Variants in FXYD6 observed in about 807,000 individuals in gnomAD.
FXYD6 encodes FXYD domain containing ion transport regulator 6.
Under a neutral mutation model 16.7 loss-of-function variants are expected in FXYD6, and 7 were observed. The ratio of observed to expected loss-of-function variants is 0.42; its 90% CI spans 0.24 to 0.79. The LOEUF (loss-of-function observed/expected upper bound fraction) is 0.79, where lower values mean the gene tolerates loss of function less well. FXYD6 is among the 30% of genes least tolerant of loss of function. The probability of loss-of-function intolerance (pLI) is 0.28; values close to 1 mark genes in which losing one functional copy is unlikely to be tolerated. For synonymous variants in FXYD6, 49 were observed against 43.0 expected (o/e 1.14, Z -0.54); for missense variants, 111 against 116.2 (o/e 0.95, Z 0.21).
chr11:117,861,024 T>C (rs1488782676), intron 1 of FXYD6, among the ~76,000 whole-genome samples: 1 of 152,226 alleles, frequency 6.6e-6, no homozygotes, highest in Non-Finnish European at 1.5e-5. Flanking sequence ...CCCTCCTCTC[T>C]GCCACTCAGT....
At chr11:117,858,611 C>T (rs1423386488) in intron 1 of FXYD6, among the ~76,000 whole-genome samples, 2 of 151,700 alleles carry the variant, frequency 1.3e-5, no homozygotes, top group South Asian at 2.1e-4. Flanking sequence ...AACGGAGAGT[C>T]GATTCTGCTT....
chr11:117,858,732 CCTTCCT>C (rs2056826824), intron 1 of FXYD6, among the ~76,000 whole-genome samples: 1 of 62,222 alleles, frequency 1.6e-5, no homozygotes, highest in Non-Finnish European at 3.2e-5. Context: ...TCCCTTCCTT[CCTTCCT>C]TCCTTCCTTC....
intron 1 of FXYD6, among the ~76,000 whole-genome samples, chr11:117,849,710 A>T (rs774205107): frequency 7.9e-5 from 12 of 151,298 alleles, no homozygotes; most frequent in Non-Finnish European, 1.5e-4. Context: ...ATTATATTTT[A>T]TTTTTTTTCC....
chr11:117,839,962 C>T (rs1023418226), intron 6 of FXYD6, 132 bp from the exon 7 acceptor site: 145 of 1,189,278 alleles, frequency 1.2e-4, no homozygotes, highest in Non-Finnish European at 1.6e-4. Context: ...CGAGTCAGAA[C>T]GATCTGGGTT....
At chr11:117,849,097 T>C (rs955810765) in intron 1 of FXYD6, among the ~76,000 whole-genome samples, 1 of 152,222 alleles carries the variant, frequency 6.6e-6, no homozygotes, top group African/African-American at 2.4e-5. Context: ...GACTGCAATG[T>C]TCCCTCTAAG....
chr11:117,840,477 A>C, intron 5 of FXYD6, 109 bp from the exon 6 acceptor site: 5 of 1,463,958 alleles, frequency 3.4e-6, no homozygotes, highest in Non-Finnish European at 4.7e-6. Flanking sequence ...GGCTCCTCCC[A>C]GTGCCCTGAG....
At chr11:117,864,463 C>T (rs546262147) in intron 1 of FXYD6, among the ~76,000 whole-genome samples, 9 of 152,214 alleles carry the variant, frequency 5.9e-5, no homozygotes, top group African/African-American at 1.7e-4. Context: ...ATGAGCTACA[C>T]GTAAAACCTA....
intron 4 of FXYD6, 129 bp downstream of exon 4, chr11:117,841,662 G>T: frequency 1.0e-6 from 1 of 982,588 alleles, no homozygotes; most frequent in Non-Finnish European, 1.6e-6. Flanking sequence ...GGGTCGTGAA[G>T]ATAACACGGA....
intron 1 of FXYD6, among the ~76,000 whole-genome samples, chr11:117,856,268 G>A (rs146300596): frequency 2.6e-5 from 4 of 152,222 alleles, no homozygotes; most frequent in Admixed American, 6.5e-5. Flanking sequence ...TTGATTCCAC[G>A]CAGCAGTGAG....
At chr11:117,857,403 G>T (rs1005460932) in intron 1 of FXYD6, among the ~76,000 whole-genome samples, 1 of 130,248 alleles carries the variant, frequency 7.7e-6, no homozygotes, top group African/African-American at 2.9e-5. Flanking sequence ...TATTGGGAAA[G>T]AAGTGGATTT....
At chr11:117,874,511 G>T (rs766282446) in intron 1 of FXYD6, among the ~76,000 whole-genome samples, 1 of 152,160 alleles carries the variant, frequency 6.6e-6, no homozygotes, top group African/African-American at 2.4e-5. Flanking sequence ...CCTAACTTTC[G>T]CTTTCTTGAC....
rs761482516 is a variant in FXYD6 at position 117,841,994 on chromosome 11, A to C, written c.93T>G (p.His31Gln). ...CCCAGGGTTGCCATCGCTCACCATA[A>C]TGAAAAGGGTCCATTTCCTTCTCCT... ...AEKEKEMDPF[H>Q]YDYQTLRIGG... is the part of the protein sequence containing the mutation. The change falls in exon 3 of 8, where the codon CAT becomes CAG. Residue 31 changes from histidine to glutamine, a missense_variant. Coordinates refer to ENST00000526014, the MANE Select transcript of FXYD6 (RefSeq NM_022003.4). 10 of 1,614,082 alleles carry C rather than the reference A, an allele frequency of 6.2e-6. No homozygotes were observed. Among genetic ancestry groups the C allele is most frequent in the Non-Finnish European group, 8.5e-6 (10 of 1,180,050 alleles).
At chr11:117,856,882 T>A (rs1288380758) in intron 1 of FXYD6, among the ~76,000 whole-genome samples, 1 of 152,122 alleles carries the variant, frequency 6.6e-6, no homozygotes, top group African/African-American at 2.4e-5. Context: ...AGGGCAGGGC[T>A]CAGAACATGC....
At chr11:117,850,185 G>A (rs142698748) in intron 1 of FXYD6, among the ~76,000 whole-genome samples, 15 of 151,752 alleles carry the variant, frequency 9.9e-5, no homozygotes, top group Admixed American at 7.9e-4. Context: ...TTTGAGAGCC[G>A]TTCTCCGGCC....
chr11:117,865,840 T>G (rs2057001851), intron 1 of FXYD6, among the ~76,000 whole-genome samples: 1 of 152,052 alleles, frequency 6.6e-6, no homozygotes, highest in Admixed American at 6.6e-5. Context: ...GGCAGGAGAA[T>G]TGCTTGAACC....
At chr11:117,838,943 T>G (rs2056269358) in intron 7 of FXYD6, 1 of 153,472 alleles carries the variant, frequency 6.5e-6, no homozygotes, top group Admixed American at 6.4e-5. Flanking sequence ...TATACCTTTC[T>G]ATAATGCCTT....
chr11:117,862,018 G>A (rs527807881), intron 1 of FXYD6, among the ~76,000 whole-genome samples: 3 of 152,362 alleles, frequency 2.0e-5, no homozygotes, highest in Middle Eastern at 3.4e-3. Flanking sequence ...GAGAGACACA[G>A]AAGCAAGACA....
intron 1 of FXYD6, among the ~76,000 whole-genome samples, chr11:117,865,174 A>C (rs1455909882): frequency 6.6e-6 from 1 of 152,220 alleles, no homozygotes; most frequent in African/African-American, 2.4e-5. Context: ...ACCACCTCAT[A>C]TCCTTTAGGA....
intron 4 of FXYD6, 95 bp downstream of exon 4, chr11:117,841,696 C>T: frequency 6.9e-7 from 1 of 1,454,248 alleles, no homozygotes; most frequent in Non-Finnish European, 9.6e-7. Flanking sequence ...CCTTTCCTCT[C>T]CAGGAGAGGG....
Sources: gnomAD v4.1 joint callset for allele counts (sites outside exome capture counted in the v4.1 genomes callset) on GRCh38, gnomAD v4.1.1 for gene constraint, MANE v1.5 for transcripts, NCBI Gene and HGNC (gene_info 2026-07-23, HGNC 2026-07-21) for gene names.